Variants in GABBR2 observed in about 807,000 individuals in gnomAD.
GABBR2 encodes gamma-aminobutyric acid type B receptor subunit 2.
In GABBR2, 23 loss-of-function variants were observed where a neutral mutation model predicts 105.6. That is an observed-to-expected ratio of 0.22 (90% confidence interval 0.16 to 0.31). The LOEUF (loss-of-function observed/expected upper bound fraction) is 0.31, where lower values mean the gene tolerates loss of function less well. GABBR2 is among the 10% of genes least tolerant of loss of function. The probability of loss-of-function intolerance (pLI) is 1.00; values close to 1 mark genes in which losing one functional copy is unlikely to be tolerated. For synonymous variants in GABBR2, 478 were observed against 499.7 expected (o/e 0.96, Z 0.58); for missense variants, 734 against 1,245.5 (o/e 0.59, Z 6.18).
chr9:98,545,733 G>T (rs1828385324), intron 2 of GABBR2, among the ~76,000 whole-genome samples: 1 of 152,192 alleles, frequency 6.6e-6, no homozygotes, highest in Non-Finnish European at 1.5e-5. Flanking sequence ...TTCCACTACA[G>T]CTAATAAGAG....
intron 3 of GABBR2, among the ~76,000 whole-genome samples, chr9:98,526,892 T>C (rs1827972661): frequency 6.6e-6 from 1 of 152,008 alleles, no homozygotes; most frequent in South Asian, 2.1e-4. Flanking sequence ...TAAATAAAAA[T>C]AGAACATCCC....
At chr9:98,671,895 G>A (rs1052551628) in intron 1 of GABBR2, among the ~76,000 whole-genome samples, 1 of 152,112 alleles carries the variant, frequency 6.6e-6, no homozygotes, top group African/African-American at 2.4e-5. Flanking sequence ...TCAAAGAGAT[G>A]GTAAAAAGCA....
chr9:98,589,460 C>T (rs914423650), intron 1 of GABBR2, among the ~76,000 whole-genome samples: 3 of 152,172 alleles, frequency 2.0e-5, no homozygotes, highest in Non-Finnish European at 2.9e-5. Flanking sequence ...TACAGAGAGG[C>T]CGCATCATCT....
At chr9:98,659,596 A>C (rs1333506019) in intron 1 of GABBR2, among the ~76,000 whole-genome samples, 2 of 135,648 alleles carry the variant, frequency 1.5e-5, no homozygotes, top group African/African-American at 5.7e-5. Context: ...ATCTCAGCTC[A>C]CTGCAATCTC....
chr9:98,483,706 T>G (rs766885386), intron 4 of GABBR2, among the ~76,000 whole-genome samples: 1 of 152,104 alleles, frequency 6.6e-6, no homozygotes, highest in African/African-American at 2.4e-5. Context: ...CTCCTCCCAC[T>G]TACTTTGCCC....
chr9:98,531,253 C>T (rs117411519), intron 3 of GABBR2, among the ~76,000 whole-genome samples: 3,746 of 152,248 alleles, frequency 0.025, 83 homozygotes, highest in Middle Eastern at 0.044. Context: ...CCTCTCTGAG[C>T]GGGGTCCATG....
Position 98,306,262 on chromosome 9 carries a change from G to A in GABBR2, c.2088C>T (p.Val696=). ...TGATGCACATGATCCCCACGTTGTA[G>A]ACACTCATCCCGATGTACTTGCTGT... ...LNDSKYIGMS[V]YNVGIMCIIG... is the part of the protein sequence containing the mutation. The change falls in exon 15 of 19, where the codon GTC becomes GTT. Residue 696 remains valine, a synonymous_variant. Transcript: ENST00000259455. The surrounding 1 kb of genome is among the most constrained non-coding windows in gnomAD (Gnocchi z 5.4). 2 of 1,613,994 alleles carry A rather than the reference G, an allele frequency of 1.2e-6. No individual in the cohort carries two copies. Among genetic ancestry groups the A allele is most frequent in the Non-Finnish European group, 1.7e-6 (2 of 1,179,938 alleles).
chr9:98,330,755 T>G (rs1407214198), intron 13 of GABBR2, among the ~76,000 whole-genome samples: 1 of 152,214 alleles, frequency 6.6e-6, no homozygotes, highest in African/African-American at 2.4e-5. Flanking sequence ...TGAGGTAAGA[T>G]TCACATAGCA....
intron 13 of GABBR2, among the ~76,000 whole-genome samples, chr9:98,327,566 T>C (rs781496833): frequency 1.3e-4 from 20 of 152,116 alleles, no homozygotes; most frequent in Non-Finnish European, 2.5e-4. Flanking sequence ...TAAAATTAAA[T>C]TTATTAACTA....
intron 4 of GABBR2, among the ~76,000 whole-genome samples, chr9:98,490,563 G>A (rs189984342): frequency 6.6e-6 from 1 of 152,306 alleles, no homozygotes; most frequent in East Asian, 1.9e-4. Context: ...TTGGTCTCCA[G>A]AGCACCCGGA....
chr9:98,564,909 C>A (rs1807323830), intron 2 of GABBR2, among the ~76,000 whole-genome samples: 1 of 152,048 alleles, frequency 6.6e-6, no homozygotes, highest in South Asian at 2.1e-4. Flanking sequence ...GACTAGGAAG[C>A]CTTCCTGGAG....
At chr9:98,555,207 G>A (rs1828563766) in intron 2 of GABBR2, among the ~76,000 whole-genome samples, 1 of 152,188 alleles carries the variant, frequency 6.6e-6, no homozygotes, top group African/African-American at 2.4e-5. Flanking sequence ...AATTTACAAA[G>A]CCCTTTCCTG....
At chr9:98,474,579 T>G (rs1826749773) in intron 5 of GABBR2, among the ~76,000 whole-genome samples, 1 of 152,106 alleles carries the variant, frequency 6.6e-6, no homozygotes, top group Non-Finnish European at 1.5e-5. Flanking sequence ...AAACAATCCT[T>G]CCGTTCAATC....
chr9:98,637,873 G>T (rs1357238893), intron 1 of GABBR2, among the ~76,000 whole-genome samples: 5 of 152,146 alleles, frequency 3.3e-5, no homozygotes, highest in Admixed American at 2.6e-4. Flanking sequence ...ATGGTCATTT[G>T]TTACAGCAGC....
intron 11 of GABBR2, among the ~76,000 whole-genome samples, chr9:98,375,743 TC>T (rs71906492): frequency 0.19 from 29,004 of 151,866 alleles, 3,079 homozygotes; most frequent in African/African-American, 0.28. Context: ...CTTGGAAGAC[TC>T]CCCCCCTTCT....
At chr9:98,640,776 A>G (rs1336279727) in intron 1 of GABBR2, among the ~76,000 whole-genome samples, 1 of 152,154 alleles carries the variant, frequency 6.6e-6, no homozygotes, top group Admixed American at 6.5e-5. Flanking sequence ...CAGGCTCTGC[A>G]AGGTGAGAAG....
At chr9:98,663,636 G>A (rs543717021) in intron 1 of GABBR2, among the ~76,000 whole-genome samples, 11 of 147,098 alleles carry the variant, frequency 7.5e-5, no homozygotes, top group African/African-American at 2.0e-4. Context: ...ATGATCAGGA[G>A]GCTGAAAGCA....
rs1401427874 is a variant in GABBR2 at position 98,349,381 on chromosome 9, G to A, written c.1893+13334C>T. On this transcript the variant is annotated intron_variant, in intron 13 of 18. Coordinates refer to ENST00000259455, the MANE Select transcript of GABBR2 (RefSeq NM_005458.8). ...TTTTTTTTTTTTTTTTTTTTTTTTC[G>A]GGACAGAGTTGCCCAGGCTGGAGTG... Among the ~76,000 whole-genome samples, 5 of 104,176 alleles carry A rather than the reference G, an allele frequency of 4.8e-5. No individual in the cohort carries two copies. The Admixed American group carries it at 5.0e-4, about 10-fold the overall frequency. The allele number at this position is 104,176 out of a possible 152,430, so 68.3% of individuals were successfully genotyped here.
intron 5 of GABBR2, among the ~76,000 whole-genome samples, chr9:98,474,549 G>A (rs1054803468): frequency 3.3e-5 from 5 of 152,132 alleles, no homozygotes; most frequent in Non-Finnish European, 5.9e-5. Flanking sequence ...TGGACTGCCC[G>A]CATTCTAAAC....
Sources: allele counts gnomAD v4.1 joint callset (sites outside exome capture counted in the v4.1 genomes callset), GRCh38; gene constraint gnomAD v4.1.1; non-coding constraint Gnocchi (gnomAD v3.1); transcripts MANE v1.5; gene names NCBI Gene and HGNC (gene_info 2026-07-23, HGNC 2026-07-21).